The following SETD2 variants were observed in gnomAD, a reference collection of about 807,000 sequenced individuals.
SETD2 encodes the protein SET domain containing 2, histone lysine methyltransferase, also known as histone-lysine N-methyltransferase SETD2.
SETD2 carries 31 observed loss-of-function variants against 242.1 expected under a neutral mutation model. That is an observed-to-expected ratio of 0.13 (90% CI 0.10 to 0.17). SETD2 has a LOEUF of 0.17. Ranked by LOEUF, SETD2 falls within the 10% of genes least tolerant of loss-of-function variation. The pLI, the probability that SETD2 is intolerant of heterozygous loss-of-function variation, is 1.00. For synonymous variants in SETD2, 1,006 were observed against 1,066.5 expected, an observed-to-expected ratio of 0.94 and a Z score of 1.11; for missense variants, 2,481 against 3,046.3, an observed-to-expected ratio of 0.81 and a Z score of 4.37.
chr3:47,057,620 A>C, intron 14 of SETD2, 130 bp from the exon 15 acceptor site: 1 of 654,402 alleles, frequency 1.5e-6, no homozygotes, highest in Non-Finnish European at 2.6e-6. Flanking sequence ...CTGGTTTACA[A>C]CTATACTCAA....
intron 19 of SETD2, among the ~76,000 whole-genome samples, chr3:47,018,704 C>A (rs530691371): frequency 4.2e-4 from 64 of 152,294 alleles, no homozygotes; most frequent in African/African-American, 1.4e-3. Context: ...TTTCATTACC[C>A]CCTGCTTAAA....
chr3:47,045,024 G>T (rs1270666094), intron 16 of SETD2, among the ~76,000 whole-genome samples: 1 of 152,124 alleles, frequency 6.6e-6, no homozygotes, highest in Non-Finnish European at 1.5e-5. Context: ...AATACTTCTG[G>T]TCCCGTGAAG....
chr3:47,128,674 C>T (rs2043406577), intron 1 of SETD2, among the ~76,000 whole-genome samples: 1 of 152,134 alleles, frequency 6.6e-6, no homozygotes, highest in Non-Finnish European at 1.5e-5. Flanking sequence ...TCCAAAACCA[C>T]TAAAAACCTC....
chr3:47,022,206 C>CACAA (rs891955052), intron 18 of SETD2, among the ~76,000 whole-genome samples: 1 of 142,506 alleles, frequency 7.0e-6, no homozygotes, highest in African/African-American at 2.5e-5. Context: ...CACACACACA[C>CACAA]ACACACACAC....
chr3:47,021,179 T>TA (rs1353238072), intron 18 of SETD2, among the ~76,000 whole-genome samples: 2 of 152,174 alleles, frequency 1.3e-5, no homozygotes, highest in African/African-American at 4.8e-5. Flanking sequence ...AGTAAGACCT[T>TA]AGGTAGCAAG....
At chr3:47,106,946 T>C (rs2042452199) in intron 5 of SETD2, among the ~76,000 whole-genome samples, 2 of 152,352 alleles carry the variant, frequency 1.3e-5, no homozygotes, top group South Asian at 2.1e-4. Flanking sequence ...GACATTCTCT[T>C]TGACGTCTCT....
intron 1 of SETD2, among the ~76,000 whole-genome samples, chr3:47,146,447 G>A (rs1466128863): frequency 6.6e-6 from 1 of 152,052 alleles, no homozygotes; most frequent in Non-Finnish European, 1.5e-5. Flanking sequence ...GGCCAACATA[G>A]CGAAACCCCG....
chr3:47,120,136 C>T (rs996505523), intron 3 of SETD2, 46 bp downstream of exon 3: 1 of 1,409,196 alleles, frequency 7.1e-7, no homozygotes, highest in Non-Finnish European at 9.6e-7. Flanking sequence ...TTTCTAACAA[C>T]AAAAAAAGAG....
chr3:47,056,647 T>C (rs1428503349), intron 15 of SETD2, among the ~76,000 whole-genome samples, 174 bp downstream of exon 15: 1 of 152,188 alleles, frequency 6.6e-6, no homozygotes, highest in Non-Finnish European at 1.5e-5. Flanking sequence ...GAGTTACTTA[T>C]TGTCTTAAGC....
Position 47,016,484 on chromosome 3 carries a change from G to A in SETD2, c.*609C>T, listed in dbSNP as rs183442934. On this transcript the variant is annotated 3_prime_UTR_variant, in exon 21 of 21. Transcript: ENST00000409792. ...TACATAAAAAGTTCAGTAAAAATTG[G>A]ATAAAGTAAAGTGATTTTAAGCAGT... The A allele has an allele frequency of 1.7e-5, 4 of 232,642 alleles. No individual in the cohort carries two copies. Among genetic ancestry groups the A allele is most frequent in the Non-Finnish European group, 3.4e-5 (4 of 117,584 alleles). 14.4% of individuals were successfully genotyped at this position (232,642 alleles called of 1,614,324 possible).
chr3:47,091,687 C>T (rs956018623), intron 9 of SETD2, among the ~76,000 whole-genome samples: 10 of 152,044 alleles, frequency 6.6e-5, no homozygotes, highest in African/African-American at 2.2e-4. Context: ...CACTTCAGCG[C>T]GGGAGGCGGA....
chr3:47,098,169 TAAACAAAATC>T, intron 8 of SETD2, 88 bp from the exon 9 acceptor site: 1 of 1,369,722 alleles, frequency 7.3e-7, no homozygotes, highest in Non-Finnish European at 9.9e-7. Flanking sequence ...CATACCAGTC[TAAACAAAATC>T]AAACAAACAA....
intron 12 of SETD2, among the ~76,000 whole-genome samples, chr3:47,078,455 G>A (rs553199177): frequency 6.8e-6 from 1 of 146,128 alleles, no homozygotes; most frequent in East Asian, 2.1e-4. Context: ...AACTATTTCA[G>A]AGTAAAGGAT....
intron 6 of SETD2, among the ~76,000 whole-genome samples, chr3:47,105,240 T>A (rs534670011): frequency 6.6e-6 from 1 of 151,852 alleles, no homozygotes; most frequent in Non-Finnish European, 1.5e-5. Context: ...CAAAACCCCG[T>A]CTCTACTAAA....
intron 7 of SETD2, among the ~76,000 whole-genome samples, chr3:47,102,453 A>G (rs919102403): frequency 2.6e-5 from 4 of 152,246 alleles, no homozygotes; most frequent in African/African-American, 9.6e-5. Context: ...GAGGAAATCA[A>G]TGATATACAT....
intron 13 of SETD2, 91 bp downstream of exon 13, chr3:47,066,979 A>C (rs989030707): frequency 2.1e-6 from 2 of 946,788 alleles, no homozygotes; most frequent in Non-Finnish European, 3.2e-6. Flanking sequence ...AGTTTCAAAA[A>C]CAAAAACGCT....
intron 16 of SETD2, among the ~76,000 whole-genome samples, chr3:47,045,519 TAAAAAAAAAAA>T (rs902155233): frequency 9.9e-6 from 1 of 100,986 alleles, no homozygotes; most frequent in African/African-American, 4.0e-5. Flanking sequence ...CTCCATCTCT[TAAAAAAAAAAA>T]AAAAAAAAAA....
chr3:47,017,480 G>A lies in SETD2; in HGVS notation c.7533+158C>T, dbSNP rs990629496. Reference sequence around the variant, plus strand: ...GAACTACTGCTGTCATGTAAGGTACGCATCCCTCCCCAAACCTTCCCTCCC... The same window carrying A: ...GAACTACTGCTGTCATGTAAGGTACACATCCCTCCCCAAACCTTCCCTCCC... On this transcript the variant is annotated intron_variant, in intron 20 of 20. Coordinates refer to ENST00000409792, the MANE Select transcript of SETD2 (RefSeq NM_014159.7). The surrounding 1 kb of genome is among the most constrained non-coding windows in gnomAD (Gnocchi z 4.8). Among the ~76,000 whole-genome samples, 8 of 151,952 alleles carry A rather than the reference G, an allele frequency of 5.3e-5. No individual in the cohort carries two copies. In the East Asian group the frequency reaches 7.7e-4, roughly 15 times the overall value.
At chr3:47,137,166 T>C (rs2043606848) in intron 1 of SETD2, among the ~76,000 whole-genome samples, 1 of 152,086 alleles carries the variant, frequency 6.6e-6, no homozygotes, top group Non-Finnish European at 1.5e-5. Flanking sequence ...CCTTATTTTA[T>C]TCCTAGCATT....
Sources: allele counts gnomAD v4.1 joint callset (sites outside exome capture counted in the v4.1 genomes callset), GRCh38; gene constraint gnomAD v4.1.1; non-coding constraint Gnocchi (gnomAD v3.1); transcripts MANE v1.5; gene names NCBI Gene and HGNC (gene_info 2026-07-23, HGNC 2026-07-21).